Variants in SCHIP1 observed in about 807,000 individuals in gnomAD.
SCHIP1 encodes the protein schwannomin interacting protein 1.
A neutral mutation model predicts 29.7 loss-of-function variants in SCHIP1; 8 were observed. That is an observed-to-expected ratio of 0.27 (90% CI 0.16 to 0.49). The LOEUF (loss-of-function observed/expected upper bound fraction) is 0.49. SCHIP1 is among the 20% of genes least tolerant of loss of function. SCHIP1 has a pLI of 0.99. For missense variants in SCHIP1, 193 were observed against 294.6 expected, an observed-to-expected ratio of 0.66 and a Z score of 2.52; for synonymous variants, 76 against 94.9, an observed-to-expected ratio of 0.80 and a Z score of 1.16.
At chr3:159,508,344 G>C in the SCHIP1 span, among the ~76,000 whole-genome samples, 1 of 152,052 alleles carries the variant, frequency 6.6e-6, no homozygotes, top group Non-Finnish European at 1.5e-5. Context: ...GTGTCTATTT[G>C]ATTCTTCTCT....
chr3:159,811,974 G>GTTTTTTTTT, the SCHIP1 span, among the ~76,000 whole-genome samples: 3 of 138,590 alleles, frequency 2.2e-5, no homozygotes, highest in African/African-American at 8.1e-5. Context: ...TTTTGTTTTT[G>GTTTTTTTTT]TTTTTGTTTT....
At chr3:159,565,034 A>C in the SCHIP1 span, among the ~76,000 whole-genome samples, 1 of 152,232 alleles carries the variant, frequency 6.6e-6, no homozygotes, top group African/African-American at 2.4e-5. Context: ...GATCATTTCA[A>C]ATAGTTTTAC....
At chr3:159,613,212 T>G in the SCHIP1 span, among the ~76,000 whole-genome samples, 4 of 152,218 alleles carry the variant, frequency 2.6e-5, no homozygotes, top group Non-Finnish European at 5.9e-5. Context: ...TTCTGCAAGA[T>G]AGAATATGAG....
the SCHIP1 span, among the ~76,000 whole-genome samples, chr3:159,773,402 T>A: frequency 6.6e-6 from 1 of 152,200 alleles, no homozygotes; most frequent in Non-Finnish European, 1.5e-5. Flanking sequence ...AGATTACACA[T>A]CTTCACCTAA....
At chr3:159,776,098 C>T in the SCHIP1 span, among the ~76,000 whole-genome samples, 1 of 151,582 alleles carries the variant, frequency 6.6e-6, no homozygotes, top group Non-Finnish European at 1.5e-5. Context: ...ACAGTATCAT[C>T]TTAGAAAAGA....
the SCHIP1 span, among the ~76,000 whole-genome samples, chr3:159,686,665 G>T: frequency 6.6e-6 from 1 of 152,194 alleles, no homozygotes; most frequent in Non-Finnish European, 1.5e-5. Flanking sequence ...GAGGCAAATA[G>T]CTCTAGAAAC....
chr3:159,694,537 C>CAAGAAGA, the SCHIP1 span, among the ~76,000 whole-genome samples: 1 of 119,348 alleles, frequency 8.4e-6, no homozygotes, highest in Non-Finnish European at 1.7e-5. Flanking sequence ...AAAGAAAAGA[C>CAAGAAGA]AAGAAAGAAA....
At chr3:159,585,848 AT>A in the SCHIP1 span, among the ~76,000 whole-genome samples, 1 of 152,156 alleles carries the variant, frequency 6.6e-6, no homozygotes, top group African/African-American at 2.4e-5. Context: ...ATGTTTTATC[AT>A]AATTTTAATA....
the SCHIP1 span, among the ~76,000 whole-genome samples, chr3:159,416,025 A>T: frequency 9.8e-6 from 1 of 102,294 alleles, no homozygotes; most frequent in African/African-American, 2.7e-5. Context: ...AACCTATTTG[A>T]TGGCAAACAG....
the SCHIP1 span, among the ~76,000 whole-genome samples, chr3:159,567,851 A>G: frequency 1.3e-5 from 2 of 152,124 alleles, no homozygotes; most frequent in African/African-American, 4.8e-5. Flanking sequence ...CTATAGGAAA[A>G]CATTTTGGAA....
chr3:159,721,742 C>T, the SCHIP1 span: 3 of 441,924 alleles, frequency 6.8e-6, no homozygotes, highest in African/African-American at 4.1e-5. Context: ...TTGGTAGGCA[C>T]GAAGGACGTC....
At chr3:159,448,565 G>T in the SCHIP1 span, among the ~76,000 whole-genome samples, 1 of 152,084 alleles carries the variant, frequency 6.6e-6, no homozygotes, top group African/African-American at 2.4e-5. Flanking sequence ...GCTGTGTACT[G>T]ATTAAGTTGT....
At chr3:159,758,862 GAT>G in the SCHIP1 span, among the ~76,000 whole-genome samples, 2 of 152,206 alleles carry the variant, frequency 1.3e-5, no homozygotes, top group African/African-American at 2.4e-5. Context: ...ACTTTTCTCT[GAT>G]AAAGACACCA....
At chr3:159,854,197 C>T (rs1034303011) in intron 1 of SCHIP1, among the ~76,000 whole-genome samples, 4 of 152,170 alleles carry the variant, frequency 2.6e-5, no homozygotes, top group Non-Finnish European at 5.9e-5. Context: ...ATGAAGACCT[C>T]TTTACCTCAG....
chr3:159,871,367 G>C, intron 2 of SCHIP1, among the ~76,000 whole-genome samples: 1 of 118,896 alleles, frequency 8.4e-6, no homozygotes, highest in Admixed American at 8.5e-5. Flanking sequence ...GTTGGGGGGG[G>C]TGGGGGGGGG....
At chr3:159,669,443 A>AG in the SCHIP1 span, among the ~76,000 whole-genome samples, 2 of 152,250 alleles carry the variant, frequency 1.3e-5, no homozygotes, top group Non-Finnish European at 2.9e-5. Context: ...TCTATCCAAT[A>AG]GGAAGGTCTT....
At chr3:159,544,532 G>A in the SCHIP1 span, among the ~76,000 whole-genome samples, 1 of 151,996 alleles carries the variant, frequency 6.6e-6, no homozygotes, top group African/African-American at 2.4e-5. Context: ...GTACAATCAG[G>A]TTGTTTAAGT....
the SCHIP1 span, among the ~76,000 whole-genome samples, chr3:159,727,964 A>C: frequency 6.8e-6 from 1 of 147,502 alleles, no homozygotes; most frequent in Admixed American, 6.8e-5. Context: ...TTTTTTGGTC[A>C]CAGCCATGGC....
At chr3:159,721,817 G>T in the SCHIP1 span, 1 of 413,430 alleles carries the variant, frequency 2.4e-6, no homozygotes, top group South Asian at 2.1e-5. Flanking sequence ...CCATGGAAAT[G>T]ATATTATTTT....
Sources: allele counts gnomAD v4.1 joint callset (sites outside exome capture counted in the v4.1 genomes callset), GRCh38; gene constraint gnomAD v4.1.1; transcripts MANE v1.5; gene names NCBI Gene and HGNC (gene_info 2026-07-23, HGNC 2026-07-21).